OAF: variants seen among roughly 807,000 people sequenced by gnomAD.
The protein encoded by OAF is out at first homolog.
Under a neutral mutation model 22.5 loss-of-function variants are expected in OAF, and 13 were observed. The observed-to-expected ratio is 0.58, with a 90% CI of 0.38 to 0.92. The LOEUF is 0.92. OAF is among the 40% of genes least tolerant of loss of function. The pLI, the probability that OAF is intolerant of heterozygous loss-of-function variation, is 0.00. For synonymous variants in OAF, 175 were observed against 170.5 expected (o/e 1.03, Z -0.21); for missense variants, 347 against 381.8 (o/e 0.91, Z 0.76).
In OAF at chr11:120,228,797, C is replaced by A. The variant is rs563144098; in HGVS notation, c.548-71C>A. 20 of 1,219,426 alleles carry A rather than the reference C, an allele frequency of 1.6e-5. No homozygotes were observed. The East Asian group carries it at 4.8e-4, about 30-fold the overall frequency. The allele number at this position is 1,219,426 out of a possible 1,614,324, so 75.5% of individuals were successfully genotyped here. A position where few individuals can be genotyped will look rare whatever the true frequency, so the allele number is the denominator to read the frequency against. On this transcript the variant is annotated intron_variant, in intron 3 of 3. Transcript: ENST00000328965. Reference sequence around the variant, plus strand: ...GAGGAGACCAAGTGGGGAATGGCAGCGGCCTCTGACTAGGGGAGCTCCTTC... The same window carrying A: ...GAGGAGACCAAGTGGGGAATGGCAGAGGCCTCTGACTAGGGGAGCTCCTTC...
At position 120,227,558 on chromosome 11, in the gene OAF, C is replaced by T. The variant is rs116472549; in HGVS notation, c.547+562C>T. ...ACCTCTCAGATATCAGCTTCAGGCC[C>T]TCCCTGGTGCCAGCATCTCTGCCCC... On this transcript the variant is annotated intron_variant, in intron 3 of 3. Transcript: ENST00000328965. 5.7e-3 allele frequency among the ~76,000 whole-genome samples: 875 copies of T among 152,276 alleles called. 10 individuals carry two copies. Among genetic ancestry groups the T allele is most frequent in the African/African-American group, 0.019 (801 of 41,544 alleles).
intron 1 of OAF, among the ~76,000 whole-genome samples, chr11:120,222,800 T>C (rs998975509): frequency 3.3e-5 from 5 of 152,104 alleles, no homozygotes; most frequent in Non-Finnish European, 5.9e-5. Context: ...TAGTCCCAGC[T>C]ACTCAGGAGG....
intron 1 of OAF, 73 bp downstream of exon 1, chr11:120,211,583 T>A: frequency 1.8e-6 from 2 of 1,101,384 alleles, no homozygotes; most frequent in Non-Finnish European, 2.4e-6. Context: ...CTCTCTTGCC[T>A]GCAGACGGAA....
At chr11:120,225,589 G>T in intron 1 of OAF, 72 bp from the exon 2 acceptor site, 2 of 1,422,226 alleles carry the variant, frequency 1.4e-6, no homozygotes, top group Non-Finnish European at 1.9e-6. Flanking sequence ...CAGGGGCCAA[G>T]CTGAGCACCC....
In OAF at chr11:120,211,231, C is replaced by G; in HGVS notation, c.-49C>G. ...GGGCGAAGTTTGCCTGCGCCTCTCC[C>G]CGCCCCCACGCGGCGCGCCGGGGCC... On this transcript the variant is annotated 5_prime_UTR_variant, in exon 1 of 4. Coordinates refer to ENST00000328965, the MANE Select transcript of OAF (RefSeq NM_178507.4). The G allele has an allele frequency of 1.7e-6, 2 of 1,152,288 alleles. No individual in the cohort carries two copies. Among genetic ancestry groups the G allele is most frequent in the South Asian group, 4.3e-5 (1 of 23,444 alleles). The allele number at this position is 1,152,288 out of a possible 1,614,324, so 71.4% of individuals were successfully genotyped here.
intron 1 of OAF, among the ~76,000 whole-genome samples, chr11:120,220,358 C>G (rs184561905): frequency 5.5e-4 from 84 of 152,308 alleles, no homozygotes; most frequent in African/African-American, 1.9e-3. Flanking sequence ...TCCCCTAGTA[C>G]ATTCCCACCG....
At chr11:120,227,886 G>C (rs183563523) in intron 3 of OAF, among the ~76,000 whole-genome samples, 1 of 151,892 alleles carries the variant, frequency 6.6e-6, no homozygotes, top group East Asian at 1.9e-4. Context: ...AGACTATGCC[G>C]CAAGCTTGAC....
At position 120,211,325 on chromosome 11, in the gene OAF, C is replaced by T. The variant is rs1012706000; in HGVS notation, c.46C>T (p.Leu16=). The T allele has an allele frequency of 1.0e-5, 14 of 1,394,992 alleles. No individual in the cohort carries two copies. In the Admixed American group the frequency reaches 2.9e-4, roughly 29 times the overall value. 86.4% of individuals were successfully genotyped at this position (1,394,992 alleles called of 1,614,324 possible). The change falls in exon 1 of 4, where the codon CTG becomes TTG. Residue 16 remains leucine (L), a synonymous_variant. Transcript: ENST00000328965. ...VPLARPALLL[L]LPLLAPLLGT... ...CCTGGCGCGCCCTGCGCTGCTGCTGCTGCTGCCGCTGCTCGCGCCGCTGCT... is the reference window on the plus strand; with the variant it reads ...CCTGGCGCGCCCTGCGCTGCTGCTGTTGCTGCCGCTGCTCGCGCCGCTGCT...
chr11:120,224,734 C>T (rs1447721124), intron 1 of OAF, among the ~76,000 whole-genome samples: 2 of 152,184 alleles, frequency 1.3e-5, no homozygotes, highest in Non-Finnish European at 1.5e-5. Context: ...GTGCCTCCAC[C>T]ACAGGAGGGG....
chr11:120,223,520 T>C (rs1263934580), intron 1 of OAF, among the ~76,000 whole-genome samples: 1 of 152,236 alleles, frequency 6.6e-6, no homozygotes, highest in Non-Finnish European at 1.5e-5. Context: ...TGAGAAATTA[T>C]CATTCCCTTC....
At position 120,211,320 on chromosome 11, in the gene OAF, T is replaced by A; in HGVS notation, c.41T>A (p.Leu14Gln). Reference sequence around the variant, plus strand: ...GTACCCCTGGCGCGCCCTGCGCTGCTGCTGCTGCTGCCGCTGCTCGCGCCG... The same window carrying A: ...GTACCCCTGGCGCGCCCTGCGCTGCAGCTGCTGCTGCCGCTGCTCGCGCCG... ...PGVPLARPAL[L>Q]LLLPLLAPLL... is the part of the protein sequence containing the mutation. Residue 14 changes from leucine to glutamine, a missense_variant, in exon 1 of 4, where the codon CTG (leucine) becomes CAG (glutamine). Physicochemically the swap from Leu to Gln is moderately radical, Grantham distance 113. Coordinates refer to ENST00000328965, the MANE Select transcript of OAF (RefSeq NM_178507.4). 1 of 1,388,022 alleles carries A rather than the reference T, an allele frequency of 7.2e-7. No individual in the cohort carries two copies. The highest frequency in any genetic ancestry group is 3.3e-5 in the Admixed American group (1 of 30,280). The allele number at this position is 1,388,022 out of a possible 1,614,324, so 86.0% of individuals were successfully genotyped here.
At chr11:120,227,564 G>C (rs1938378088) in intron 3 of OAF, among the ~76,000 whole-genome samples, 1 of 152,108 alleles carries the variant, frequency 6.6e-6, no homozygotes, top group African/African-American at 2.4e-5. Context: ...GGCCCTCCCT[G>C]GTGCCAGCAT....
At chr11:120,222,717 T>C (rs543312024) in intron 1 of OAF, among the ~76,000 whole-genome samples, 2 of 151,990 alleles carry the variant, frequency 1.3e-5, no homozygotes, top group Non-Finnish European at 2.9e-5. Flanking sequence ...ATCAAGACCA[T>C]CCTGGCCAAC....
chr11:120,222,020 G>A (rs1378448748), intron 1 of OAF, among the ~76,000 whole-genome samples: 4 of 152,228 alleles, frequency 2.6e-5, no homozygotes, highest in Non-Finnish European at 4.4e-5. Context: ...GGGCAAGGAG[G>A]AAGGCTGGGA....
intron 1 of OAF, among the ~76,000 whole-genome samples, chr11:120,212,917 C>T (rs1287002344): frequency 1.3e-5 from 2 of 150,538 alleles, no homozygotes; most frequent in East Asian, 4.0e-4. Flanking sequence ...TGCCTCCCCA[C>T]CTAAACCCTA....
At chr11:120,227,117 A>G (rs953598406) in intron 3 of OAF, 121 bp downstream of exon 3, 3 of 627,488 alleles carry the variant, frequency 4.8e-6, no homozygotes, top group Non-Finnish European at 8.1e-6. Context: ...GCCAAGTCTC[A>G]TCATTAGCCT....
chr11:120,225,597 C>T (rs1938344830), intron 1 of OAF, 64 bp from the exon 2 acceptor site: 2 of 1,455,722 alleles, frequency 1.4e-6, no homozygotes, highest in Non-Finnish European at 1.8e-6. Flanking sequence ...AAGCTGAGCA[C>T]CCGGTGGGCC....
chr11:120,225,358 G>A (rs1938339440), intron 1 of OAF, among the ~76,000 whole-genome samples: 1 of 152,188 alleles, frequency 6.6e-6, no homozygotes, highest in Non-Finnish European at 1.5e-5. Flanking sequence ...GCCTGTAGAG[G>A]CCCTGACCCA....
At chr11:120,220,716 C>T (rs543157862) in intron 1 of OAF, among the ~76,000 whole-genome samples, 8 of 152,254 alleles carry the variant, frequency 5.3e-5, no homozygotes, top group East Asian at 3.9e-4. Flanking sequence ...CAGGGCATCC[C>T]GGCAGAAGAA....
Sources: allele counts gnomAD v4.1 joint callset (sites outside exome capture counted in the v4.1 genomes callset), GRCh38; gene constraint gnomAD v4.1.1; transcripts MANE v1.5; gene names NCBI Gene and HGNC (gene_info 2026-07-23, HGNC 2026-07-21).